CRISPLD1: variants seen among roughly 807,000 people sequenced by gnomAD.
CRISPLD1 encodes cysteine-rich secretory protein LCCL domain-containing 1.
CRISPLD1 carries 60 observed loss-of-function variants against 77.5 expected under a neutral mutation model. That is an observed-to-expected ratio of 0.77 (90% CI 0.63 to 0.96). CRISPLD1 has a LOEUF of 0.96. Among genes scored for constraint, CRISPLD1 ranks in the 40% least tolerant of loss-of-function variants. CRISPLD1 has a pLI of 0.00. For missense variants in CRISPLD1, 623 were observed against 615.8 expected, an observed-to-expected ratio of 1.01 and a Z score of -0.12; for synonymous variants, 195 against 200.1, an observed-to-expected ratio of 0.97 and a Z score of 0.22.
At position 75,025,628 on chromosome 8, in the gene CRISPLD1, A is replaced by G. The variant is rs959202735; in HGVS notation, c.1320+7A>G. On this transcript the variant is annotated splice_region_variant and intron_variant, in intron 13 of 14. Coordinates refer to ENST00000262207, the MANE Select transcript of CRISPLD1 (RefSeq NM_031461.6). Reference sequence around the variant, plus strand: ...AACTCGAGTTTATTCTGATGTAAGTATCCTAATTTATACAGCTGTCAACAT... The same window carrying G: ...AACTCGAGTTTATTCTGATGTAAGTGTCCTAATTTATACAGCTGTCAACAT... The G allele has an allele frequency of 1.4e-6, 2 of 1,454,036 alleles. No homozygotes were observed. Among genetic ancestry groups the G allele is most frequent in the African/African-American group, 2.8e-5 (2 of 71,918 alleles). 90.1% of individuals were successfully genotyped at this position (1,454,036 alleles called of 1,614,324 possible).
chr8:74,984,601 C>G lies in CRISPLD1; in HGVS notation c.-382C>G, dbSNP rs958814714. ...CGCCGCCGAGCCTCGTTCGTGTCCC[C>G]GCCCCTCGCTCCTGCAGCTACTGCT... is the stretch of plus-strand genomic sequence containing the variant. On this transcript the variant is annotated 5_prime_UTR_variant, in exon 1 of 15. Coordinates refer to ENST00000262207, the MANE Select transcript of CRISPLD1 (RefSeq NM_031461.6). 8 of 152,822 alleles carry G rather than the reference C, an allele frequency of 5.2e-5. No homozygotes were observed. The highest frequency in any genetic ancestry group is 1.7e-4 in the African/African-American group (7 of 41,482). The allele number at this position is 152,822 out of a possible 1,614,324, so 9.5% of individuals were successfully genotyped here.
rs2128785241 is a variant in CRISPLD1 at position 75,012,900 on chromosome 8, C to G, written c.388C>G (p.Pro130Ala). The change falls in exon 4 of 15, where the codon CCG becomes GCG. Residue 130 changes from proline (P) to alanine (A), a missense_variant. Pro to Ala is a conservative substitution (Grantham distance 27). Transcript: ENST00000262207. The stretch of plus-strand genomic sequence containing the variant: ...TTTTCTTTCTAATAGATATAGGCCC[C>G]CGACGTTTCATGTACAATCGTGGTA... ...LGAHWGRYRP[P>A]TFHVQSWYDE... is the part of the protein sequence containing the mutation. The G allele has an allele frequency of 6.2e-7, 1 of 1,611,364 alleles. No homozygotes were observed. The highest frequency in any genetic ancestry group is 2.2e-5 in the East Asian group (1 of 44,812).
At chr8:75,029,800 T>A (rs1438529553) in intron 14 of CRISPLD1, among the ~76,000 whole-genome samples, 2 of 152,204 alleles carry the variant, frequency 1.3e-5, no homozygotes, top group African/African-American at 2.4e-5. Flanking sequence ...TTAGGAACTT[T>A]CTTTCATCCT....
intron 2 of CRISPLD1, among the ~76,000 whole-genome samples, chr8:74,998,846 G>A (rs1308138833): frequency 2.0e-5 from 3 of 151,856 alleles, no homozygotes; most frequent in African/African-American, 7.3e-5. Flanking sequence ...CACTTTACAT[G>A]GTGTCTCCTG....
rs1286440925 is a variant in CRISPLD1 at position 75,001,134 on chromosome 8, G to A, written c.259-11299G>A. ...ATAAAGTCATGTAAAACAATTTTGT[G>A]TATTTTAAACATAAATTATTTTATG... On this transcript the variant is annotated intron_variant, in intron 2 of 14. Coordinates refer to ENST00000262207, the MANE Select transcript of CRISPLD1 (RefSeq NM_031461.6). Among the ~76,000 whole-genome samples, 4 of 152,030 alleles carry A rather than the reference G, an allele frequency of 2.6e-5. No homozygotes were observed. In the East Asian group the frequency reaches 7.7e-4, roughly 29 times the overall value.
At position 75,012,500 on chromosome 8, in the gene CRISPLD1, C is replaced by T; in HGVS notation, c.326C>T (p.Pro109Leu). ...GAAAGTTGCTTGTGGGAACATGGAC[C>T]TGCAAGCTTGCTTCCATCAATTGGA... ...WAESCLWEHG[P>L]ASLLPSIGQN... Residue 109 changes from proline (P) to leucine (L), a missense_variant, in exon 3 of 15, where the codon CCT (proline) becomes CTT (leucine). Physicochemically the swap from Pro to Leu is moderately conservative, Grantham distance 98. Transcript: ENST00000262207. 1 of 1,613,020 alleles carries T rather than the reference C, an allele frequency of 6.2e-7. No homozygotes were observed. Among genetic ancestry groups the T allele is most frequent in the Non-Finnish European group, 8.5e-7 (1 of 1,179,256 alleles).
Position 75,014,796 on chromosome 8 carries a change from G to T in CRISPLD1, c.627-16G>T. 6.4e-7 allele frequency: 1 copy of T among 1,557,374 alleles called. No homozygotes were observed. On this transcript the variant is annotated splice_polypyrimidine_tract_variant and intron_variant, in intron 5 of 14. Transcript: ENST00000262207. ...CCATTAGACTACTTTTTAATAGAGCGTATCATCTCTTAAAGGGGAAACTGG... is the reference window on the plus strand; with the variant it reads ...CCATTAGACTACTTTTTAATAGAGCTTATCATCTCTTAAAGGGGAAACTGG...
At position 75,034,396 on chromosome 8, in the gene CRISPLD1, C is replaced by G. The variant is rs1813411156; in HGVS notation, c.*2154C>G. On this transcript the variant is annotated 3_prime_UTR_variant, in exon 15 of 15. Transcript: ENST00000262207. ...ATGCATAATATGAGGTCAGTGGACGCCATTTTCTGTTATAATCATTTTTGT... is the reference window on the plus strand; with the variant it reads ...ATGCATAATATGAGGTCAGTGGACGGCATTTTCTGTTATAATCATTTTTGT... The G allele has an allele frequency of 1.3e-5, 2 of 151,962 alleles. No homozygotes were observed. Among genetic ancestry groups the G allele is most frequent in the South Asian group, 4.1e-4 (2 of 4,830 alleles). 9.4% of individuals were successfully genotyped at this position (151,962 alleles called of 1,614,324 possible).
intron 14 of CRISPLD1, among the ~76,000 whole-genome samples, chr8:75,031,177 G>A (rs117023112): frequency 0.026 from 3,993 of 152,118 alleles, 64 homozygotes; most frequent in Non-Finnish European, 0.035. Context: ...ATACATGCAT[G>A]CACATGTGTG....
At chr8:74,988,613 C>A (rs1204597101) in intron 2 of CRISPLD1, among the ~76,000 whole-genome samples, 1 of 152,078 alleles carries the variant, frequency 6.6e-6, no homozygotes, top group Non-Finnish European at 1.5e-5. Context: ...GTGGGAGGAT[C>A]ACTTGAGGTC....
intron 12 of CRISPLD1, among the ~76,000 whole-genome samples, chr8:75,020,833 A>G (rs1447868282): frequency 6.6e-6 from 1 of 152,068 alleles, no homozygotes; most frequent in Non-Finnish European, 1.5e-5. Flanking sequence ...CCTTTCTTTT[A>G]TTTTTGTTTC....
At chr8:74,990,055 G>A (rs1254144144) in intron 2 of CRISPLD1, among the ~76,000 whole-genome samples, 5 of 152,128 alleles carry the variant, frequency 3.3e-5, no homozygotes, top group Admixed American at 6.5e-5. Flanking sequence ...AATACTATGT[G>A]CACATGGACA....
At position 75,031,931 on chromosome 8, in the gene CRISPLD1, C is replaced by T. The variant is rs1394065630; in HGVS notation, c.1452-260C>T. 2.6e-5 allele frequency among the ~76,000 whole-genome samples: 4 copies of T among 151,948 alleles called. No individual in the cohort carries two copies. The East Asian group carries it at 7.7e-4, about 29-fold the overall frequency. On this transcript the variant is annotated intron_variant, in intron 14 of 14. Transcript: ENST00000262207. ...AACATGATCTAGAATCTGTGAAGTTCTGTGGAGACTACTATTATTACCATT... is the reference window on the plus strand; with the variant it reads ...AACATGATCTAGAATCTGTGAAGTTTTGTGGAGACTACTATTATTACCATT...
chr8:75,013,962 T>C, intron 4 of CRISPLD1, 25 bp from the exon 5 acceptor site: 1 of 1,513,032 alleles, frequency 6.6e-7, no homozygotes, highest in Non-Finnish European at 9.2e-7. Context: ...CTGCTTTTTC[T>C]GAGCCTTTCA....
At chr8:75,030,680 A>ATGTGTG (rs34737814) in intron 14 of CRISPLD1, among the ~76,000 whole-genome samples, 3,352 of 146,512 alleles carry the variant, frequency 0.023, 39 homozygotes, top group Non-Finnish European at 0.028. Flanking sequence ...CCGGAGATAT[A>ATGTGTG]TGTGTGTGTG....
At chr8:75,014,738 A>G (rs1239556273) in intron 5 of CRISPLD1, 74 bp from the exon 6 acceptor site, 2 of 912,290 alleles carry the variant, frequency 2.2e-6, no homozygotes, top group Admixed American at 2.3e-5. Flanking sequence ...ATGTTCATAT[A>G]TAGTGATGTT....
chr8:74,994,842 G>A (rs144834925), intron 2 of CRISPLD1, among the ~76,000 whole-genome samples: 140 of 152,244 alleles, frequency 9.2e-4, no homozygotes, highest in African/African-American at 2.6e-3. Context: ...TACAGTTTGC[G>A]CCATTAGAAC....
At chr8:75,013,701 A>G (rs1416512189) in intron 4 of CRISPLD1, among the ~76,000 whole-genome samples, 1 of 152,150 alleles carries the variant, frequency 6.6e-6, no homozygotes, top group Non-Finnish European at 1.5e-5. Flanking sequence ...TTAATATGAC[A>G]TTAGGTTTGT....
intron 2 of CRISPLD1, among the ~76,000 whole-genome samples, chr8:75,004,059 C>T (rs1812789094): frequency 6.6e-6 from 1 of 152,080 alleles, no homozygotes; most frequent in Admixed American, 6.5e-5. Context: ...TAGCTTGCTA[C>T]TTTTTTAAGG....
Sources: gnomAD v4.1 joint callset for allele counts (sites outside exome capture counted in the v4.1 genomes callset) on GRCh38, gnomAD v4.1.1 for gene constraint, MANE v1.5 for transcripts, NCBI Gene and HGNC (gene_info 2026-07-23, HGNC 2026-07-21) for gene names.